RIC3: variants seen among roughly 807,000 people sequenced by gnomAD.
RIC3 encodes the protein protein RIC-3.
RIC3 carries 28 observed loss-of-function variants against 27.3 expected under a neutral mutation model. The observed-to-expected ratio is 1.02, with a 90% CI of 0.76 to 1.41. The LOEUF is 1.41. Ranked by LOEUF, RIC3 falls within the 40% of genes most tolerant of loss-of-function variation. The pLI, the probability that RIC3 is intolerant of heterozygous loss-of-function variation, is 0.00. For synonymous variants in RIC3, 184 were observed against 160.4 expected (o/e 1.15, Z -1.11); for missense variants, 501 against 444.7 (o/e 1.13, Z -1.14).
intron 4 of RIC3, 119 bp from the exon 5 acceptor site, chr11:8,126,926 T>C (rs1239944953): frequency 2.4e-5 from 28 of 1,153,504 alleles, no homozygotes; most frequent in Non-Finnish European, 3.3e-5. Context: ...CAGATAATTA[T>C]TCTAGGAATT....
chr11:8,143,257 A>G (rs2133971092), intron 1 of RIC3, among the ~76,000 whole-genome samples: 1 of 152,002 alleles, frequency 6.6e-6, no homozygotes, highest in African/African-American at 2.4e-5. Flanking sequence ...TGCAGACGAC[A>G]TGACTGTATA....
rs1590055598 is a variant in RIC3 at position 8,110,999 on chromosome 11, T to A, written c.809A>T (p.Glu270Val). ...EIAERMGMIEEEESDHLGWES... is the reference protein window; with the variant it reads ...EIAERMGMIEVEESDHLGWES... Reference sequence around the variant, plus strand: ...CCAACCCAAATGATCTGATTCTTCCTCTTCTATCATTCCCATTCTTTCAGC... The same window carrying A: ...CCAACCCAAATGATCTGATTCTTCCACTTCTATCATTCCCATTCTTTCAGC... Residue 270 changes from glutamate (E) to valine (V), a missense_variant, in exon 6 of 6, where the codon GAG becomes GTG. Physicochemically the swap from Glu to Val is moderately radical, Grantham distance 121. Coordinates refer to ENST00000309737, the MANE Select transcript of RIC3 (RefSeq NM_001206671.4). The A allele has an allele frequency of 1.9e-6, 3 of 1,614,214 alleles. No homozygotes were observed. Among genetic ancestry groups the A allele is most frequent in the Non-Finnish European group, 2.5e-6 (3 of 1,180,020 alleles).
At chr11:8,158,736 T>TTTGC (rs1295688792) in intron 1 of RIC3, among the ~76,000 whole-genome samples, 1 of 126,992 alleles carries the variant, frequency 7.9e-6, no homozygotes, top group Non-Finnish European at 1.6e-5. Flanking sequence ...AAGTTTTTTG[T>TTTGC]TTGTTTTTTG....
intron 1 of RIC3, among the ~76,000 whole-genome samples, chr11:8,144,025 A>G (rs569222915): frequency 5.9e-5 from 9 of 152,216 alleles, no homozygotes; most frequent in African/African-American, 2.2e-4. Flanking sequence ...TACAAAAATC[A>G]ATTCAAGATG....
chr11:8,145,604 A>G (rs1949597837), intron 1 of RIC3, among the ~76,000 whole-genome samples: 1 of 152,174 alleles, frequency 6.6e-6, no homozygotes. Flanking sequence ...GGGACTCTTG[A>G]AAAAGGGGAT....
At chr11:8,113,098 C>G (rs1295314177) in intron 5 of RIC3, among the ~76,000 whole-genome samples, 2 of 152,184 alleles carry the variant, frequency 1.3e-5, no homozygotes, top group Non-Finnish European at 2.9e-5. Context: ...GCTTAACTTA[C>G]TGCGGATGGA....
chr11:8,168,135 G>A (rs1368720748), intron 1 of RIC3, among the ~76,000 whole-genome samples: 1 of 152,192 alleles, frequency 6.6e-6, no homozygotes, highest in East Asian at 1.9e-4. Flanking sequence ...ATAGAAAACT[G>A]TTCTGGTTCC....
At chr11:8,097,562 T>G in the RIC3 span, 5 of 1,356,396 alleles carry the variant, frequency 3.7e-6, no homozygotes, top group Non-Finnish European at 5.2e-6. Context: ...GTCTGGTCTG[T>G]GCACATCTTT....
At chr11:8,152,651 T>C (rs991073878) in intron 1 of RIC3, among the ~76,000 whole-genome samples, 6 of 152,156 alleles carry the variant, frequency 3.9e-5, no homozygotes, top group African/African-American at 1.4e-4. Flanking sequence ...AGTTCTAAAA[T>C]TGACTGTAGT....
intron 4 of RIC3, among the ~76,000 whole-genome samples, chr11:8,130,274 T>C (rs74772285): frequency 0.023 from 3,475 of 152,254 alleles, 146 homozygotes; most frequent in African/African-American, 0.079. Context: ...AGGACCCAAG[T>C]TGGGCCAACT....
chr11:8,139,202 G>A (rs1948759312), intron 2 of RIC3: 2 of 152,380 alleles, frequency 1.3e-5, no homozygotes, highest in South Asian at 2.1e-4. Context: ...GCACCCTATG[G>A]GCATTCTTAC....
intron 1 of RIC3, among the ~76,000 whole-genome samples, chr11:8,145,930 C>T (rs1949630509): frequency 6.6e-6 from 1 of 152,144 alleles, no homozygotes; most frequent in South Asian, 2.1e-4. Flanking sequence ...TCCTCATGCA[C>T]TGTGGGTAAG....
the RIC3 span, chr11:8,098,948 G>A: frequency 9.0e-7 from 1 of 1,109,582 alleles, no homozygotes; most frequent in Non-Finnish European, 1.4e-6. Flanking sequence ...CTGATCTAGG[G>A]GCTATCCCAT....
the RIC3 span, among the ~76,000 whole-genome samples, chr11:8,100,267 G>A: frequency 6.6e-6 from 1 of 150,798 alleles, no homozygotes; most frequent in Admixed American, 6.5e-5. Context: ...GCCGGAGCGA[G>A]TGGAAGAACA....
the RIC3 span, among the ~76,000 whole-genome samples, chr11:8,094,766 C>T: frequency 2.0e-5 from 3 of 152,234 alleles, no homozygotes; most frequent in South Asian, 6.2e-4. Flanking sequence ...CTTGGCTACA[C>T]ACCCCGTTTC....
At position 8,108,641 on chromosome 11, in the gene RIC3, T is replaced by C. The variant is rs1410783727; in HGVS notation, c.*2057A>G. On this transcript the variant is annotated 3_prime_UTR_variant, in exon 6 of 6. Coordinates refer to ENST00000309737, the MANE Select transcript of RIC3 (RefSeq NM_001206671.4). ...TGCAGGGACAGATTATGGCTCATGT[T>C]TCTCTGCCTGCAGGATTCACGATCC... 1.3e-5 allele frequency: 2 copies of C among 152,212 alleles called. No individual in the cohort carries two copies. Among genetic ancestry groups the C allele is most frequent in the Admixed American group, 1.3e-4 (2 of 15,282 alleles). 9.4% of individuals were successfully genotyped at this position (152,212 alleles called of 1,614,324 possible).
chr11:8,153,344 G>C (rs979135472), intron 1 of RIC3: 2 of 422,432 alleles, frequency 4.7e-6, no homozygotes, highest in South Asian at 3.5e-5. Flanking sequence ...TACAGACAGG[G>C]AGCATAGTTA....
chr11:8,157,650 G>A (rs1166222696), intron 1 of RIC3, among the ~76,000 whole-genome samples: 1 of 152,136 alleles, frequency 6.6e-6, no homozygotes, highest in African/African-American at 2.4e-5. Context: ...TACAATCTTT[G>A]CTGACCTGAT....
In RIC3 at chr11:8,107,509, T is replaced by C. The variant is rs1590035450; in HGVS notation, c.*3189A>G. On this transcript the variant is annotated 3_prime_UTR_variant, in exon 6 of 6. Transcript: ENST00000309737. ...ACAGTCTTAGTTTATGCCTATCACC[T>C]TGGCATAATTATATTAAAGCTCCCT... The C allele has an allele frequency of 6.6e-6, 1 of 152,248 alleles. No homozygotes were observed. The highest frequency in any genetic ancestry group is 1.9e-4 in the East Asian group (1 of 5,200). The allele number at this position is 152,248 out of a possible 1,614,324, so 9.4% of individuals were successfully genotyped here.
Sources: gnomAD v4.1 joint callset for allele counts (sites outside exome capture counted in the v4.1 genomes callset) on GRCh38, gnomAD v4.1.1 for gene constraint, MANE v1.5 for transcripts, NCBI Gene and HGNC (gene_info 2026-07-23, HGNC 2026-07-21) for gene names.